The following LRP1B variants were observed in gnomAD, a reference collection of about 807,000 sequenced individuals.
LRP1B encodes the protein low-density lipoprotein receptor-related protein 1B.
A neutral mutation model predicts 556.6 loss-of-function variants in LRP1B; 217 were observed. The ratio of observed to expected loss-of-function variants is 0.39; its 90% CI spans 0.35 to 0.44. LRP1B has a LOEUF of 0.44. Ranked by LOEUF, LRP1B falls within the 20% of genes least tolerant of loss-of-function variation. The pLI, the probability that LRP1B is intolerant of heterozygous loss-of-function variation, is 1.00. For synonymous variants in LRP1B, 2,047 were observed against 1,865.8 expected, an observed-to-expected ratio of 1.10 and a Z score of -2.50; for missense variants, 5,053 against 5,620.8, an observed-to-expected ratio of 0.90 and a Z score of 3.23.
At chr2:141,098,634 G>A (rs75236082) in intron 7 of LRP1B, among the ~76,000 whole-genome samples, 10,630 of 152,178 alleles carry the variant, frequency 0.07, 402 homozygotes, top group South Asian at 0.11. Flanking sequence ...CATATATTTA[G>A]TATCATGTTC....
At position 140,932,912 on chromosome 2, in the gene LRP1B, C is replaced by CACATATACACATATACATAT. The variant is rs1695094019; in HGVS notation, c.3137-9766_3137-9765insATATGTATATGTGTATATGT. On this transcript the variant is annotated intron_variant, in intron 20 of 90. Transcript: ENST00000389484. ...ACACACACACACACACACACACACA[C>CACATATACACATATACATAT]ACACATATATATGTGTATATATATA... is the stretch of plus-strand genomic sequence containing the variant. Among the ~76,000 whole-genome samples the CACATATACACATATACATAT allele has an allele frequency of 3.4e-5, 5 of 144,994 alleles. No individual in the cohort carries two copies. In the East Asian group the frequency reaches 9.9e-4, roughly 29 times the overall value.
At chr2:140,637,646 T>G (rs1684118212) in intron 41 of LRP1B, among the ~76,000 whole-genome samples, 1 of 152,124 alleles carries the variant, frequency 6.6e-6, no homozygotes, top group Non-Finnish European at 1.5e-5. Context: ...GTGGAATCCG[T>G]GCCAGGTGCC....
Position 140,794,496 on chromosome 2 carries a change from C to T in LRP1B, c.5360-18258G>A, listed in dbSNP as rs972129187. ...TATTTAAAACACACACACACACACA[C>T]ACACACACACACACACACACACATA... On this transcript the variant is annotated intron_variant, in intron 32 of 90. Transcript: ENST00000389484. Among the ~76,000 whole-genome samples, 638 of 149,478 alleles carry T rather than the reference C, an allele frequency of 4.3e-3. 8 individuals are homozygous for T. The highest frequency in any genetic ancestry group is 0.014 in the African/African-American group (576 of 41,238).
At chr2:140,932,104 T>C (rs916636140) in intron 20 of LRP1B, among the ~76,000 whole-genome samples, 1 of 152,196 alleles carries the variant, frequency 6.6e-6, no homozygotes, top group Non-Finnish European at 1.5e-5. Flanking sequence ...AGAATGTGCA[T>C]AAGCACATAC....
intron 25 of LRP1B, among the ~76,000 whole-genome samples, chr2:140,872,343 T>C (rs1693162207): frequency 6.8e-6 from 1 of 146,492 alleles, no homozygotes; most frequent in African/African-American, 2.5e-5. Context: ...CTGCTTGCTT[T>C]TGTATTGTGT....
chr2:140,794,959 C>T (rs1690253461), intron 32 of LRP1B, among the ~76,000 whole-genome samples: 1 of 152,062 alleles, frequency 6.6e-6, no homozygotes, highest in Admixed American at 6.5e-5. Flanking sequence ...TACTGTTCCT[C>T]TAATGGAACT....
chr2:141,533,200 A>C (rs1684951058), intron 2 of LRP1B, among the ~76,000 whole-genome samples: 1 of 152,184 alleles, frequency 6.6e-6, no homozygotes, highest in African/African-American at 2.4e-5. Context: ...TAACACTTTC[A>C]ATGAAAACAA....
Position 140,389,745 on chromosome 2 carries a change from T to TTATATATTA in LRP1B, c.10415-3737_10415-3736insTAATATATA, listed in dbSNP as rs142083416. Among the ~76,000 whole-genome samples, 21 of 147,362 alleles carry TTATATATTA rather than the reference T, an allele frequency of 1.4e-4. 2 individuals carry two copies. Among genetic ancestry groups the TTATATATTA allele is most frequent in the African/African-American group, 3.9e-4 (16 of 40,572 alleles). On this transcript the variant is annotated intron_variant, in intron 66 of 90. Transcript: ENST00000389484. ...TAGTTATATATATGTATATATAGTT[T>TTATATATTA]TATATATATATATATTCATATAATT... is the stretch of plus-strand genomic sequence containing the variant.
chr2:141,837,507 G>A (rs1018160625), intron 1 of LRP1B, among the ~76,000 whole-genome samples: 1 of 151,944 alleles, frequency 6.6e-6, no homozygotes, highest in Non-Finnish European at 1.5e-5. Context: ...AATCTTAAGG[G>A]TATCCTTGAC....
rs34083447 is a variant in LRP1B, at chr2:140,779,694, CAAAAAAAAAA to C, written c.5360-3466_5360-3457del. Among the ~76,000 whole-genome samples, 4 of 66,892 alleles carry C rather than the reference CAAAAAAAAAA, an allele frequency of 6.0e-5. No individual in the cohort carries two copies. In the South Asian group the frequency reaches 2.4e-3, roughly 40 times the overall value. The allele number at this position is 66,892 out of a possible 152,430, so 43.9% of individuals were successfully genotyped here. On this transcript the variant is annotated intron_variant, in intron 32 of 90. Coordinates refer to ENST00000389484, the MANE Select transcript of LRP1B (RefSeq NM_018557.3). ...CGGGTGACAGAGCGAGACTCTGTCTCAAAAAAAAAAAAAAAAAAAAGTGTGTGTGTGTGTG... is the reference window on the plus strand; with the variant it reads ...CGGGTGACAGAGCGAGACTCTGTCTCAAAAAAAAAAGTGTGTGTGTGTGTG...
chr2:142,006,083 T>C (rs754715690), intron 1 of LRP1B, among the ~76,000 whole-genome samples: 2 of 152,074 alleles, frequency 1.3e-5, no homozygotes, highest in Non-Finnish European at 2.9e-5. Context: ...CTTTCCCTTC[T>C]CTCTTTTCCT....
rs115263323 is a variant in LRP1B, at chr2:141,760,986, A to T, written c.205+49293T>A. On this transcript the variant is annotated intron_variant, in intron 2 of 90. Transcript: ENST00000389484. The stretch of plus-strand genomic sequence containing the variant: ...ATATTTGTGGGCACATTTTCTGTTT[A>T]GCACCTCTGTTCTTTTATTATTTTA... 4.2e-3 allele frequency among the ~76,000 whole-genome samples: 643 copies of T among 152,324 alleles called. 7 individuals are homozygous for T. The highest frequency in any genetic ancestry group is 0.015 in the African/African-American group (616 of 41,590).
At chr2:141,723,607 C>A (rs950573814) in intron 2 of LRP1B, among the ~76,000 whole-genome samples, 1 of 151,608 alleles carries the variant, frequency 6.6e-6, no homozygotes, top group African/African-American at 2.4e-5. Context: ...ATGTTGCTAT[C>A]TTTTATATTA....
At chr2:141,647,303 T>C (rs1239254817) in intron 2 of LRP1B, among the ~76,000 whole-genome samples, 2 of 152,310 alleles carry the variant, frequency 1.3e-5, no homozygotes, top group African/African-American at 4.8e-5. Context: ...TAGCCCTCTC[T>C]GGTCTGCCTT....
At chr2:140,491,190 C>G (rs1170456941) in intron 57 of LRP1B, among the ~76,000 whole-genome samples, 1 of 152,034 alleles carries the variant, frequency 6.6e-6, no homozygotes, top group Non-Finnish European at 1.5e-5. Context: ...AAGCAAGAAG[C>G]TATCACTGAA....
At chr2:140,492,506 A>T in intron 57 of LRP1B, 102 bp downstream of exon 57, 1 of 731,074 alleles carries the variant, frequency 1.4e-6, no homozygotes, top group Non-Finnish European at 2.3e-6. Flanking sequence ...CTGACAACTA[A>T]AAATATGCTT....
chr2:140,355,430 C>G (rs1373254800), intron 75 of LRP1B, among the ~76,000 whole-genome samples: 1 of 151,906 alleles, frequency 6.6e-6, no homozygotes, highest in Non-Finnish European at 1.5e-5. Context: ...CACGAATAAT[C>G]CAAATACACA....
intron 1 of LRP1B, among the ~76,000 whole-genome samples, chr2:141,955,522 T>C (rs1321150674): frequency 6.6e-6 from 1 of 152,032 alleles, no homozygotes; most frequent in East Asian, 1.9e-4. Context: ...TTATATTCAA[T>C]TTTTCTCTTG....
chr2:142,075,409 G>C (rs1705461271), intron 1 of LRP1B, among the ~76,000 whole-genome samples: 1 of 152,004 alleles, frequency 6.6e-6, no homozygotes, highest in African/African-American at 2.4e-5. Flanking sequence ...TAAATAGAAA[G>C]GAATGGAGAA....
Sources: gnomAD v4.1 joint callset for allele counts (sites outside exome capture counted in the v4.1 genomes callset) on GRCh38, gnomAD v4.1.1 for gene constraint, MANE v1.5 for transcripts, NCBI Gene and HGNC (gene_info 2026-07-23, HGNC 2026-07-21) for gene names.